Variants in RIC8A observed in about 807,000 individuals in gnomAD.
RIC8A encodes RIC8 guanine nucleotide exchange factor A, also known as chaperone Ric-8A.
A neutral mutation model predicts 48.4 loss-of-function variants in RIC8A; 37 were observed. That is an observed-to-expected ratio of 0.77 (90% CI 0.59 to 1.01). RIC8A has a LOEUF of 1.01. Among genes scored for constraint, RIC8A ranks in the 50% least tolerant of loss-of-function variants. The pLI, the probability that RIC8A is intolerant of heterozygous loss-of-function variation, is 0.00. For synonymous variants in RIC8A, 288 were observed against 283.4 expected (o/e 1.02, Z -0.16); for missense variants, 681 against 696.8 (o/e 0.98, Z 0.25).
Position 211,364 on chromosome 11 carries a change from G to A in RIC8A, c.969+15G>A. On this transcript the variant is annotated intron_variant, in intron 5 of 9. Transcript: ENST00000526104. The surrounding 1 kb of genome is among the most constrained non-coding windows in gnomAD (Gnocchi z 4.0). ...GTTTGCACAAGGTAGGCTGGGGATGGCTGTGCAGGCTCCCCCAGTGGCTCT... is the reference window on the plus strand; with the variant it reads ...GTTTGCACAAGGTAGGCTGGGGATGACTGTGCAGGCTCCCCCAGTGGCTCT... 1 of 1,609,606 alleles carries A rather than the reference G, an allele frequency of 6.2e-7. No homozygotes were observed.
chr11:213,205 T>C, intron 8 of RIC8A, 94 bp from the exon 9 acceptor site: 2 of 1,557,766 alleles, frequency 1.3e-6, no homozygotes, highest in Non-Finnish European at 1.7e-6. Flanking sequence ...TGCAGTTGCC[T>C]TGCCCACCTC....
chr11:213,430 G>A lies in RIC8A; in HGVS notation c.1475+12G>A. On this transcript the variant is annotated intron_variant, in intron 9 of 9. Transcript: ENST00000526104. ...GACAAGCTCTCCAGGTGTGTGGCATGAGGAGGAGGGGCCTGCAGCTGGGAG... is the reference window on the plus strand; with the variant it reads ...GACAAGCTCTCCAGGTGTGTGGCATAAGGAGGAGGGGCCTGCAGCTGGGAG... The A allele has an allele frequency of 3.8e-6, 6 of 1,569,590 alleles. No individual in the cohort carries two copies. The highest frequency in any genetic ancestry group is 5.2e-6 in the Non-Finnish European group (6 of 1,156,686).
chr11:213,169 GC>G, intron 8 of RIC8A, 129 bp from the exon 9 acceptor site: 4 of 1,428,162 alleles, frequency 2.8e-6, no homozygotes, highest in Non-Finnish European at 3.8e-6. Context: ...GGTTACCTGT[GC>G]CGCTTCTGGA....
Position 211,405 on chromosome 11 carries a change from G to T in RIC8A, c.969+56G>T. ...CAGTGGCTCTGGCACTGGTTCTCCT[G>T]CACAGATGTGGTCAGTGCTTCCACA... On this transcript the variant is annotated intron_variant, in intron 5 of 9. Transcript: ENST00000526104. This position sits in a 1 kb window ranked among gnomAD's most constrained non-coding sequence, Gnocchi z 4.0. 1 of 1,568,978 alleles carries T rather than the reference G, an allele frequency of 6.4e-7. No individual in the cohort carries two copies. Among genetic ancestry groups the T allele is most frequent in the Non-Finnish European group, 8.7e-7 (1 of 1,152,476 alleles).
At chr11:209,179 T>C in intron 1 of RIC8A, 92 bp from the exon 2 acceptor site, 1 of 1,465,852 alleles carries the variant, frequency 6.8e-7, no homozygotes, top group Non-Finnish European at 9.6e-7. Flanking sequence ...GAGCAGTGGC[T>C]GCTGCCTGAG....
Position 214,456 on chromosome 11 carries a change from C to T in RIC8A, c.*106C>T. 7.4e-7 allele frequency: 1 copy of T among 1,359,414 alleles called. No individual in the cohort carries two copies. The highest frequency in any genetic ancestry group is 1.0e-6 in the Non-Finnish European group (1 of 977,940). 84.2% of individuals were successfully genotyped at this position (1,359,414 alleles called of 1,614,324 possible). On this transcript the variant is annotated 3_prime_UTR_variant, in exon 10 of 10. Coordinates refer to ENST00000526104, the MANE Select transcript of RIC8A (RefSeq NM_001286134.2). ...CATCCCACTGGATCCACACCCGCCC[C>T]CACTTCTCCATCTTAGAAACCCCTT...
chr11:213,131 T>C, intron 8 of RIC8A, 150 bp downstream of exon 8: 1 of 1,363,300 alleles, frequency 7.3e-7, no homozygotes, highest in East Asian at 2.5e-5. Context: ...CTATCTGGGA[T>C]ACCAGAAGGT....
Position 210,667 on chromosome 11 carries a change from G to A in RIC8A, c.818+5G>A. The A allele has an allele frequency of 6.2e-7, 1 of 1,613,830 alleles. No homozygotes were observed. Among genetic ancestry groups the A allele is most frequent in the Non-Finnish European group, 8.5e-7 (1 of 1,179,736 alleles). ...CCGCACAGAGGAGTTCCACGGGTGA[G>A]AATGGGGCTTTTTCTGGGAGGGAAG... On this transcript the variant is annotated splice_donor_5th_base_variant and intron_variant, in intron 4 of 9. Coordinates refer to ENST00000526104, the MANE Select transcript of RIC8A (RefSeq NM_001286134.2).
At position 209,565 on chromosome 11, in the gene RIC8A, C is replaced by T. The variant is rs1205633494; in HGVS notation, c.291C>T (p.Asp97=). 6.2e-7 allele frequency: 1 copy of T among 1,614,028 alleles called. No homozygotes were observed. Among genetic ancestry groups the T allele is most frequent in the Non-Finnish European group, 8.5e-7 (1 of 1,180,062 alleles). The change falls in exon 3 of 10, where the codon GAC becomes GAT. Residue 97 remains aspartate (D), a synonymous_variant. Coordinates refer to ENST00000526104, the MANE Select transcript of RIC8A (RefSeq NM_001286134.2). ...TGCAGGCACTAGCCTGCTATGCTGA[C>T]ATCTCTGTCTCTGAGGGGTCCGTCC... ...QSLQALACYA[D]ISVSEGSVPE...
Position 210,643 on chromosome 11 carries a change from C to T in RIC8A, c.799C>T (p.Arg267Cys), listed in dbSNP as rs745556551. ...TGTGATGATCGCTACTGCTGGAGAC[C>T]GCACAGAGGAGTTCCACGGGTGAGA... is the stretch of plus-strand genomic sequence containing the variant. ...HCVMIATAGDRTEEFHGHAVN... is the reference protein window; with the variant it reads ...HCVMIATAGDCTEEFHGHAVN... The change falls in exon 4 of 10, where the codon CGC becomes TGC. Residue 267 changes from arginine to cysteine, a missense_variant. Coordinates refer to ENST00000526104, the MANE Select transcript of RIC8A (RefSeq NM_001286134.2). The T allele has an allele frequency of 2.0e-5, 33 of 1,613,994 alleles. No homozygotes were observed. Among genetic ancestry groups the T allele is most frequent in the Non-Finnish European group, 2.5e-5 (29 of 1,180,032 alleles).
chr11:209,994 G>A lies in RIC8A; in HGVS notation c.720G>A (p.Val240=). Residue 240 remains valine (V), a synonymous_variant, in exon 3 of 10, where the codon GTG becomes GTA. Coordinates refer to ENST00000526104, the MANE Select transcript of RIC8A (RefSeq NM_001286134.2). ...NITLDSIKGE[V]DEEDAALYRH... is the part of the protein sequence containing the mutation. Reference sequence around the variant, plus strand: ...CCCTGGACTCCATCAAGGGGGAGGTGGACGAGGTGAGCACTGACCTTAACC... The same window carrying A: ...CCCTGGACTCCATCAAGGGGGAGGTAGACGAGGTGAGCACTGACCTTAACC... The A allele has an allele frequency of 6.3e-7, 1 of 1,584,704 alleles. No homozygotes were observed. The highest frequency in any genetic ancestry group is 8.5e-7 in the Non-Finnish European group (1 of 1,169,662).
rs907413301 is a variant in RIC8A at position 214,545 on chromosome 11, G to A, written c.*195G>A. On this transcript the variant is annotated 3_prime_UTR_variant, in exon 10 of 10. Transcript: ENST00000526104. ...CAGTTTCTCATCTCTGGACTGCAAC[G>A]GTCTTCTTGTGCTAGAACTCAGGCT... The A allele has an allele frequency of 2.8e-6, 2 of 706,794 alleles. No homozygotes were observed. Among genetic ancestry groups the A allele is most frequent in the Non-Finnish European group, 5.0e-6 (2 of 400,380 alleles). The allele number at this position is 706,794 out of a possible 1,614,324, so 43.8% of individuals were successfully genotyped here.
rs148877135 is a variant in RIC8A, at chr11:210,042, T to G, written c.726+42T>G. On this transcript the variant is annotated intron_variant, in intron 3 of 9. Transcript: ENST00000526104. ...ACCCATGGATGGGTCTCAACTCAGCTCCAACATTTCCTGGACCTGCTTCCT... is the reference window on the plus strand; with the variant it reads ...ACCCATGGATGGGTCTCAACTCAGCGCCAACATTTCCTGGACCTGCTTCCT... The G allele has an allele frequency of 4.0e-3, 6,010 of 1,489,656 alleles. 18 individuals are homozygous for G. The highest frequency in any genetic ancestry group is 4.8e-3 in the Middle Eastern group (25 of 5,226). 92.3% of individuals were successfully genotyped at this position (1,489,656 alleles called of 1,614,324 possible).
In RIC8A at chr11:212,873, C is replaced by G. The variant is rs1855398945; in HGVS notation, c.1247C>G (p.Ala416Gly). 1.2e-6 allele frequency: 2 copies of G among 1,606,522 alleles called. No individual in the cohort carries two copies. The highest frequency in any genetic ancestry group is 1.7e-6 in the Non-Finnish European group (2 of 1,176,262). The change falls in exon 8 of 10, where the codon GCT (alanine) becomes GGT (glycine). Residue 416 changes from alanine (A) to glycine (G), a missense_variant. Physicochemically the swap from Ala to Gly is moderately conservative, Grantham distance 60 (BLOSUM62 0). Transcript: ENST00000526104. ...RFIKYTGYGN[A>G]AGLLAARGLM... ...ATCAAGTACACAGGCTATGGGAATGCTGCTGGCCTTCTGGCTGCCAGGGGC... is the reference window on the plus strand; with the variant it reads ...ATCAAGTACACAGGCTATGGGAATGGTGCTGGCCTTCTGGCTGCCAGGGGC...
chr11:210,539 C>T, intron 3 of RIC8A, 32 bp from the exon 4 acceptor site: 1 of 1,575,600 alleles, frequency 6.3e-7, no homozygotes, highest in Non-Finnish European at 8.7e-7. Flanking sequence ...ATGAGTGGGG[C>T]TCCTCACAGG....
intron 5 of RIC8A, 29 bp from the exon 6 acceptor site, chr11:212,387 T>C (rs2133752000): frequency 6.2e-7 from 1 of 1,600,048 alleles, no homozygotes; most frequent in Non-Finnish European, 8.6e-7. Flanking sequence ...GGCAGGGGCA[T>C]AGCCCCAGTG....
chr11:210,973 G>A (rs906148829), intron 4 of RIC8A: 22 of 608,980 alleles, frequency 3.6e-5, no homozygotes, highest in Middle Eastern at 4.3e-4. Context: ...AGACAGGGTC[G>A]GGGAGGCAGT....
chr11:213,408 A>G lies in RIC8A; in HGVS notation c.1465A>G (p.Lys489Glu). The G allele has an allele frequency of 6.3e-7, 1 of 1,588,458 alleles. No individual in the cohort carries two copies. The highest frequency in any genetic ancestry group is 1.1e-5 in the South Asian group (1 of 87,892). The part of the protein sequence containing the change: ...EAMKLVTMFD[K>E]LSRNRVIQPM... ...CATGAAGCTGGTGACCATGTTTGAC[A>G]AGCTCTCCAGGTGTGTGGCATGAGG... The change falls in exon 9 of 10, where the codon AAG becomes GAG. Residue 489 changes from lysine (K) to glutamate (E), a missense_variant. Transcript: ENST00000526104.
chr11:209,038 G>C, intron 1 of RIC8A, 100 bp downstream of exon 1: 1 of 1,166,510 alleles, frequency 8.6e-7, no homozygotes. Flanking sequence ...GGCTGTGTCA[G>C]CAAGCGTAGG....
Sources: allele counts gnomAD v4.1 joint callset, GRCh38; gene constraint gnomAD v4.1.1; non-coding constraint Gnocchi (gnomAD v3.1); transcripts MANE v1.5; gene names NCBI Gene and HGNC (gene_info 2026-07-23, HGNC 2026-07-21).